NCOA2: variants seen among roughly 807,000 people sequenced by gnomAD.
The protein encoded by NCOA2 is nuclear receptor coactivator 2, also known as class E basic helix-loop-helix protein 75.
NCOA2 carries 21 observed loss-of-function variants against 145.1 expected under a neutral mutation model. The observed-to-expected ratio is 0.14, with a 90% confidence interval of 0.10 to 0.21. The LOEUF is 0.21. NCOA2 is among the 10% of genes least tolerant of loss of function. The pLI, the probability that NCOA2 is intolerant of heterozygous loss-of-function variation, is 1.00. For synonymous variants in NCOA2, 619 were observed against 637.5 expected (o/e 0.97, Z 0.44); for missense variants, 1,472 against 1,837.6 (o/e 0.80, Z 3.64).
intron 13 of NCOA2, among the ~76,000 whole-genome samples, chr8:70,144,205 C>A (rs1810770767): frequency 6.6e-6 from 1 of 152,164 alleles, no homozygotes; most frequent in Non-Finnish European, 1.5e-5. Context: ...TTAATTAGTA[C>A]TTTTTGGAAT....
At chr8:70,336,527 G>A (rs1807603333) in intron 1 of NCOA2, among the ~76,000 whole-genome samples, 1 of 152,110 alleles carries the variant, frequency 6.6e-6, no homozygotes, top group Admixed American at 6.6e-5. Flanking sequence ...TCATGGGGAG[G>A]CCTCAGGAAA....
chr8:70,378,875 A>T (rs1412384714), intron 1 of NCOA2, among the ~76,000 whole-genome samples: 1 of 152,108 alleles, frequency 6.6e-6, no homozygotes, highest in Non-Finnish European at 1.5e-5. Context: ...CACTGTTGTC[A>T]GTGCCTCATT....
At chr8:70,226,967 C>G (rs1168028282) in intron 2 of NCOA2, among the ~76,000 whole-genome samples, 1 of 151,436 alleles carries the variant, frequency 6.6e-6, no homozygotes, top group African/African-American at 2.4e-5. Flanking sequence ...TTCACAGATT[C>G]CACCAGGAAG....
intron 16 of NCOA2, among the ~76,000 whole-genome samples, chr8:70,130,961 A>G (rs554006517): frequency 7.9e-5 from 12 of 152,338 alleles, no homozygotes; most frequent in African/African-American, 1.9e-4. Context: ...GTTATTTACT[A>G]TATCATTGCT....
At chr8:70,366,417 T>C (rs142921775) in intron 1 of NCOA2, among the ~76,000 whole-genome samples, 2 of 152,252 alleles carry the variant, frequency 1.3e-5, no homozygotes, top group Non-Finnish European at 2.9e-5. Context: ...ATAAAGGTTA[T>C]TAAATGTTTC....
chr8:70,341,082 GAA>G (rs3085558), intron 1 of NCOA2, among the ~76,000 whole-genome samples: 5 of 105,032 alleles, frequency 4.8e-5, no homozygotes, highest in East Asian at 3.6e-4. Flanking sequence ...TTAAAAAGTT[GAA>G]AAAAAAAAAA....
At position 70,159,244 on chromosome 8, in the gene NCOA2, T is replaced by TATATATGTATATATA; in HGVS notation, c.1124+260_1124+261insTATATATACATATAT. 4.1e-3 allele frequency among the ~76,000 whole-genome samples: 285 copies of TATATATGTATATATA among 69,268 alleles called. 22 individuals are homozygous for TATATATGTATATATA. The highest frequency in any genetic ancestry group is 0.012 in the African/African-American group (223 of 19,252). The allele number at this position is 69,268 out of a possible 152,430, so 45.4% of individuals were successfully genotyped here. On this transcript the variant is annotated intron_variant, in intron 10 of 22. Coordinates refer to ENST00000452400, the MANE Select transcript of NCOA2 (RefSeq NM_006540.4). ...ACATTATATATATATATATATATAT[T>TATATATGTATATATA]TTTTTTTTTTTCCCCCAAATATTTT... is the stretch of plus-strand genomic sequence containing the variant.
At chr8:70,234,633 T>C (rs1207917334) in intron 2 of NCOA2, among the ~76,000 whole-genome samples, 1 of 152,234 alleles carries the variant, frequency 6.6e-6, no homozygotes, top group East Asian at 1.9e-4. Context: ...TGAGCATCTT[T>C]ACTTGTGTTT....
intron 2 of NCOA2, chr8:70,273,495 G>A (rs541025542): frequency 8.2e-5 from 53 of 647,340 alleles, no homozygotes; most frequent in South Asian, 5.9e-4. Context: ...GATAAAAAAC[G>A]TCAGTTCTCC....
At chr8:70,293,718 T>C (rs1269591508) in intron 2 of NCOA2, among the ~76,000 whole-genome samples, 21 of 152,230 alleles carry the variant, frequency 1.4e-4, no homozygotes, top group Admixed American at 1.4e-3. Context: ...TATTGCCAAA[T>C]AGATTTATAT....
At chr8:70,426,459 A>G in the NCOA2 span, among the ~76,000 whole-genome samples, 2 of 152,220 alleles carry the variant, frequency 1.3e-5, no homozygotes, top group Non-Finnish European at 2.9e-5. Context: ...AATTGACATA[A>G]TTATGGGCAC....
chr8:70,420,140 G>C, the NCOA2 span, among the ~76,000 whole-genome samples: 1 of 152,262 alleles, frequency 6.6e-6, no homozygotes, highest in African/African-American at 2.4e-5. Flanking sequence ...ATAAATAAAT[G>C]AATGGATGAG....
intron 13 of NCOA2, among the ~76,000 whole-genome samples, chr8:70,141,838 C>G (rs1810472765): frequency 6.6e-6 from 1 of 152,180 alleles, no homozygotes; most frequent in Non-Finnish European, 1.5e-5. Context: ...ATCTTGAAGT[C>G]TATATGAGAC....
chr8:70,372,834 T>G (rs1811340501), intron 1 of NCOA2, among the ~76,000 whole-genome samples: 1 of 152,220 alleles, frequency 6.6e-6, no homozygotes, highest in Admixed American at 6.5e-5. Flanking sequence ...CAGCTTACTT[T>G]GTCCCTGTTC....
rs1056010696 is a variant in NCOA2, at chr8:70,402,778, CCCCCGG to C, written c.-77+916_-77+921del. On this transcript the variant is annotated intron_variant, in intron 1 of 22. Transcript: ENST00000452400. ...CCGGAACCTCCCGGTCCGCCTCCCGCCCCCGGCCCCGGCCCCAGCGCGCCTCCTGCA... is the reference window on the plus strand; with the variant it reads ...CCGGAACCTCCCGGTCCGCCTCCCGCCCCCGGCCCCAGCGCGCCTCCTGCA... Among the ~76,000 whole-genome samples, 9 of 151,726 alleles carry C rather than the reference CCCCCGG, an allele frequency of 5.9e-5. No individual in the cohort carries two copies. In the South Asian group the frequency reaches 6.2e-4, roughly 11 times the overall value.
At chr8:70,207,555 T>A (rs531834036) in intron 4 of NCOA2, among the ~76,000 whole-genome samples, 32 of 152,218 alleles carry the variant, frequency 2.1e-4, no homozygotes, top group Non-Finnish European at 3.8e-4. Flanking sequence ...GGAAAAATAG[T>A]TAATCTTCAT....
chr8:70,322,150 T>C (rs1225871593), intron 1 of NCOA2, among the ~76,000 whole-genome samples: 1 of 152,036 alleles, frequency 6.6e-6, no homozygotes, highest in Non-Finnish European at 1.5e-5. Flanking sequence ...TACAAACTTC[T>C]AGTAAGTTAT....
At chr8:70,175,704 TCAA>T (rs1227299112) in intron 4 of NCOA2, among the ~76,000 whole-genome samples, 2 of 152,236 alleles carry the variant, frequency 1.3e-5, no homozygotes, top group African/African-American at 2.4e-5. Flanking sequence ...CACATACATA[TCAA>T]CAACTTGCTA....
chr8:70,403,097 C>A (rs1814510794), intron 1 of NCOA2, among the ~76,000 whole-genome samples: 1 of 150,488 alleles, frequency 6.6e-6, no homozygotes. Context: ...CCTTCACACA[C>A]CCCCAGCACT....
Sources: gnomAD v4.1 joint callset for allele counts (sites outside exome capture counted in the v4.1 genomes callset) on GRCh38, gnomAD v4.1.1 for gene constraint, MANE v1.5 for transcripts, NCBI Gene and HGNC (gene_info 2026-07-23, HGNC 2026-07-21) for gene names.